Variants in CDC42BPA observed in about 807,000 individuals in gnomAD.
The protein encoded by CDC42BPA is serine/threonine-protein kinase MRCK alpha.
In CDC42BPA, 80 loss-of-function variants were observed where a neutral mutation model predicts 223.5. That is an observed-to-expected ratio of 0.36 (90% CI 0.30 to 0.43). The LOEUF (loss-of-function observed/expected upper bound fraction) is 0.43, where lower values mean the gene tolerates loss of function less well. Among genes scored for constraint, CDC42BPA ranks in the 20% least tolerant of loss-of-function variants. The probability of loss-of-function intolerance (pLI) is 1.00; values close to 1 mark genes in which losing one functional copy is unlikely to be tolerated. For missense variants in CDC42BPA, 1,743 were observed against 2,099.9 expected, an observed-to-expected ratio of 0.83 and a Z score of 3.32; for synonymous variants, 694 against 718.6, an observed-to-expected ratio of 0.97 and a Z score of 0.55.
chr1:227,237,899 C>T (rs971006203), intron 2 of CDC42BPA, among the ~76,000 whole-genome samples: 3 of 151,672 alleles, frequency 2.0e-5, no homozygotes, highest in Admixed American at 6.6e-5. Context: ...ATTAGCCAGG[C>T]GTGGTGGTGC....
intron 1 of CDC42BPA, among the ~76,000 whole-genome samples, chr1:227,267,288 C>T (rs1478890114): frequency 6.6e-6 from 1 of 152,146 alleles, no homozygotes; most frequent in Non-Finnish European, 1.5e-5. Context: ...TAACAGAATA[C>T]ATAATTCTAC....
rs900083414 is a variant in CDC42BPA, at chr1:227,275,900, A to G, written c.179-21745T>C. 1.3e-4 allele frequency among the ~76,000 whole-genome samples: 20 copies of G among 152,268 alleles called. No individual in the cohort carries two copies. The East Asian group carries it at 3.5e-3, about 27-fold the overall frequency. On this transcript the variant is annotated intron_variant, in intron 1 of 36. Coordinates refer to ENST00000366766, the MANE Select transcript of CDC42BPA (RefSeq NM_001394014.1). ...ATTGCAGACGGAGTCTCGCTCACTC[A>G]GTGCTCAATGTTGCCCAGGCTGGAG...
chr1:227,087,473 C>T (rs781050065), intron 16 of CDC42BPA, among the ~76,000 whole-genome samples: 2 of 152,262 alleles, frequency 1.3e-5, no homozygotes, highest in South Asian at 2.1e-4. Context: ...GTTAATCCTC[C>T]GACTTCTAAC....
chr1:227,294,422 A>G (rs1010113190), intron 1 of CDC42BPA, among the ~76,000 whole-genome samples: 1 of 152,178 alleles, frequency 6.6e-6, no homozygotes, highest in Admixed American at 6.5e-5. Context: ...AATGATAACT[A>G]ACATTCATTG....
chr1:227,198,039 T>C (rs543335756), intron 4 of CDC42BPA, among the ~76,000 whole-genome samples: 2 of 152,306 alleles, frequency 1.3e-5, no homozygotes, highest in Admixed American at 6.5e-5. Context: ...CACAATAATA[T>C]ATATGGCTTA....
chr1:227,202,880 T>G (rs1280670510), intron 3 of CDC42BPA, among the ~76,000 whole-genome samples: 1 of 152,026 alleles, frequency 6.6e-6, no homozygotes, highest in Non-Finnish European at 1.5e-5. Context: ...AAGTGAGCTA[T>G]GATCACACCA....
At chr1:227,156,356 T>C (rs1662775546) in intron 6 of CDC42BPA, among the ~76,000 whole-genome samples, 1 of 151,686 alleles carries the variant, frequency 6.6e-6, no homozygotes, top group African/African-American at 2.4e-5. Flanking sequence ...GGTCTTGCTA[T>C]GTTGCTCAGG....
intron 2 of CDC42BPA, among the ~76,000 whole-genome samples, chr1:227,247,068 G>A (rs1215306349): frequency 6.6e-6 from 1 of 151,732 alleles, no homozygotes; most frequent in Non-Finnish European, 1.5e-5. Context: ...AGGGGTGGTG[G>A]TGGGTGCCTG....
intron 35 of CDC42BPA, among the ~76,000 whole-genome samples, chr1:227,001,634 C>T (rs540370639): frequency 7.9e-5 from 12 of 152,132 alleles, no homozygotes; most frequent in African/African-American, 1.4e-4. Context: ...GGGCTGGGCG[C>T]GGTGGGTCAC....
intron 29 of CDC42BPA, among the ~76,000 whole-genome samples, chr1:227,029,745 A>C (rs1442116453): frequency 6.6e-6 from 1 of 152,186 alleles, no homozygotes; most frequent in East Asian, 1.9e-4. Flanking sequence ...AAAAACCTCC[A>C]AACAAACACA....
At chr1:227,267,010 A>G (rs1464405452) in intron 1 of CDC42BPA, among the ~76,000 whole-genome samples, 3 of 152,222 alleles carry the variant, frequency 2.0e-5, no homozygotes, top group South Asian at 2.1e-4. Flanking sequence ...ACATTGGTTT[A>G]AAGTTGTTGG....
At chr1:227,227,713 TAA>T (rs1677089829) in intron 2 of CDC42BPA, among the ~76,000 whole-genome samples, 1 of 151,960 alleles carries the variant, frequency 6.6e-6, no homozygotes, top group Non-Finnish European at 1.5e-5. Context: ...ATAAAACTGG[TAA>T]AGACAGGAAA....
chr1:227,093,608 T>C (rs761528200), intron 15 of CDC42BPA, among the ~76,000 whole-genome samples: 5 of 152,140 alleles, frequency 3.3e-5, no homozygotes, highest in African/African-American at 9.7e-5. Flanking sequence ...AGTTCAACAA[T>C]GTACAGCCAA....
chr1:227,299,039 G>A (rs1420398342), intron 1 of CDC42BPA, among the ~76,000 whole-genome samples: 2 of 152,130 alleles, frequency 1.3e-5, no homozygotes, highest in African/African-American at 4.8e-5. Context: ...GTCATTCTAT[G>A]AAAGAAGAGT....
intron 1 of CDC42BPA, among the ~76,000 whole-genome samples, chr1:227,315,643 G>A (rs544247300): frequency 7.6e-4 from 116 of 151,720 alleles, no homozygotes; most frequent in African/African-American, 2.7e-3. Context: ...AACTACATAT[G>A]CTTTACAAAA....
At chr1:227,303,028 T>C (rs187792852) in intron 1 of CDC42BPA, among the ~76,000 whole-genome samples, 44 of 150,074 alleles carry the variant, frequency 2.9e-4, no homozygotes, top group Admixed American at 7.3e-4. Flanking sequence ...TTTTCGAAGT[T>C]ATGCTTTCCC....
intron 1 of CDC42BPA, among the ~76,000 whole-genome samples, chr1:227,270,487 T>C (rs183325361): frequency 6.6e-6 from 1 of 152,308 alleles, no homozygotes; most frequent in Admixed American, 6.5e-5. Flanking sequence ...CATGAACTCA[T>C]ACTAGTTACT....
Position 227,113,863 on chromosome 1 carries a change from G to GT in CDC42BPA, c.1648-951dup, listed in dbSNP as rs1468612480. Among the ~76,000 whole-genome samples the GT allele has an allele frequency of 7.1e-5, 9 of 127,470 alleles. No individual in the cohort carries two copies. In the East Asian group the frequency reaches 2.2e-3, roughly 31 times the overall value. 83.6% of individuals were successfully genotyped at this position (127,470 alleles called of 152,430 possible). On this transcript the variant is annotated intron_variant, in intron 12 of 36. Coordinates refer to ENST00000366766, the MANE Select transcript of CDC42BPA (RefSeq NM_001394014.1). ...CCTTATCTCTACAAAAAATAACAAT[G>GT]TAAAAAAAAAAAAAAAGGCCAGGTA...
Position 227,160,233 on chromosome 1 carries a change from C to T in CDC42BPA, c.693+310G>A, listed in dbSNP as rs190999149. Among the ~76,000 whole-genome samples the T allele has an allele frequency of 5.9e-5, 9 of 152,262 alleles. No individual in the cohort carries two copies. The East Asian group carries it at 1.5e-3, about 26-fold the overall frequency. ...ATGTGAGACTTAGTTCTTTTACCCCCGGTGAACTTTGAAATATCTAAAGTA... is the reference window on the plus strand; with the variant it reads ...ATGTGAGACTTAGTTCTTTTACCCCTGGTGAACTTTGAAATATCTAAAGTA... On this transcript the variant is annotated intron_variant, in intron 6 of 36. Transcript: ENST00000366766.
Sources: gnomAD v4.1 joint callset for allele counts (sites outside exome capture counted in the v4.1 genomes callset) on GRCh38, gnomAD v4.1.1 for gene constraint, MANE v1.5 for transcripts, NCBI Gene and HGNC (gene_info 2026-07-23, HGNC 2026-07-21) for gene names.